Variants in AJAP1 observed in about 807,000 individuals in gnomAD.
AJAP1 encodes the protein adherens junctions associated protein 1.
AJAP1 carries 5 observed loss-of-function variants against 35.0 expected under a neutral mutation model. That is an observed-to-expected ratio of 0.14 (90% CI 0.07 to 0.30). The LOEUF is 0.30. AJAP1 is among the 10% of genes least tolerant of loss of function. The probability of loss-of-function intolerance (pLI) is 1.00; values close to 1 mark genes in which losing one functional copy is unlikely to be tolerated. For synonymous variants in AJAP1, 284 were observed against 249.3 expected, an observed-to-expected ratio of 1.14 and a Z score of -1.31; for missense variants, 586 against 571.0, an observed-to-expected ratio of 1.03 and a Z score of -0.27.
intron 4 of AJAP1, among the ~76,000 whole-genome samples, chr1:4,773,630 T>C (rs992417506): frequency 1.3e-5 from 2 of 152,128 alleles, no homozygotes; most frequent in African/African-American, 4.8e-5. Flanking sequence ...ACTCAGACAT[T>C]TGGGGAGCTC....
chr1:4,777,577 A>G (rs1402007190), intron 5 of AJAP1: 1 of 152,242 alleles, frequency 6.6e-6, no homozygotes, highest in East Asian at 1.9e-4. Context: ...GCAGGCCTGC[A>G]TTGGCTCTCG....
At chr1:4,687,799 T>TCATCCATC (rs1281489870) in intron 1 of AJAP1, among the ~76,000 whole-genome samples, 1 of 152,276 alleles carries the variant, frequency 6.6e-6, no homozygotes, top group African/African-American at 2.4e-5. Context: ...CTCCATCCAT[T>TCATCCATC]CATCCATCCA....
At position 4,782,920 on chromosome 1, in the gene AJAP1, C is replaced by T. The variant is rs12406384; in HGVS notation, c.*435C>T. 0.063 allele frequency: 24,944 copies of T among 398,382 alleles called. 938 individuals carry two copies. The highest frequency in any genetic ancestry group is 0.15 in the Middle Eastern group (237 of 1,588). 24.7% of individuals were successfully genotyped at this position (398,382 alleles called of 1,614,324 possible). On this transcript the variant is annotated 3_prime_UTR_variant, in exon 6 of 6. Transcript: ENST00000378191. This position sits in a 1 kb window ranked among gnomAD's most constrained non-coding sequence, Gnocchi z 5.3. ...CATGTACTGACCCGAAAGGCTCGGC[C>T]GCAGAGCCGGGGCCCAGCGAATCAC...
At chr1:4,713,634 C>A (rs923233469) in intron 2 of AJAP1, among the ~76,000 whole-genome samples, 6 of 152,260 alleles carry the variant, frequency 3.9e-5, no homozygotes, top group African/African-American at 1.4e-4. Context: ...GTCACCCTCA[C>A]CTCCCTCCAG....
chr1:4,728,841 C>T (rs1640733356), intron 2 of AJAP1, among the ~76,000 whole-genome samples: 2 of 152,084 alleles, frequency 1.3e-5, no homozygotes, highest in Non-Finnish European at 2.9e-5. Flanking sequence ...GTCTGGCCTC[C>T]CTGCCGATGG....
chr1:4,730,631 C>T (rs1190509802), intron 2 of AJAP1, among the ~76,000 whole-genome samples: 1 of 152,224 alleles, frequency 6.6e-6, no homozygotes, highest in African/African-American at 2.4e-5. Flanking sequence ...ATTGTCCACC[C>T]CCAGGCCACC....
chr1:4,761,125 C>CTCA (rs1641555322), intron 2 of AJAP1, among the ~76,000 whole-genome samples: 1 of 152,212 alleles, frequency 6.6e-6, no homozygotes, highest in Non-Finnish European at 1.5e-5. Context: ...GAGGGTAAAT[C>CTCA]TCACTGCCAG....
At chr1:4,690,578 G>A (rs1639716781) in intron 1 of AJAP1, among the ~76,000 whole-genome samples, 1 of 152,190 alleles carries the variant, frequency 6.6e-6, no homozygotes. Context: ...GAAACACGGT[G>A]TCCCCCACTT....
At chr1:4,677,709 C>T (rs1203358622) in intron 1 of AJAP1, among the ~76,000 whole-genome samples, 1 of 151,094 alleles carries the variant, frequency 6.6e-6, no homozygotes, top group Non-Finnish European at 1.5e-5. Context: ...AGATGATATT[C>T]CAGGTAATGC....
chr1:4,778,065 T>A (rs1009514582), intron 5 of AJAP1, among the ~76,000 whole-genome samples: 3 of 152,224 alleles, frequency 2.0e-5, no homozygotes, highest in African/African-American at 7.2e-5. Context: ...ATTTATTTAT[T>A]TTTTGCAAAA....
chr1:4,726,200 C>T (rs570328298), intron 2 of AJAP1, among the ~76,000 whole-genome samples: 1 of 152,240 alleles, frequency 6.6e-6, no homozygotes, highest in Non-Finnish European at 1.5e-5. Flanking sequence ...GGGGCAGGCC[C>T]TGAATCCTAG....
chr1:4,666,187 G>A (rs2100509836), intron 1 of AJAP1, among the ~76,000 whole-genome samples: 1 of 151,306 alleles, frequency 6.6e-6, no homozygotes, highest in South Asian at 2.1e-4. Flanking sequence ...AGCCCACTGA[G>A]GCTCCTCCGG....
At chr1:4,779,491 C>T (rs1019895561) in intron 5 of AJAP1, among the ~76,000 whole-genome samples, 4 of 152,170 alleles carry the variant, frequency 2.6e-5, no homozygotes, top group East Asian at 1.9e-4. Flanking sequence ...GGAACACCTC[C>T]GGAGCACAGC....
At position 4,790,495 on chromosome 1, in the gene AJAP1, G is replaced by A. The variant is rs1484318157; in HGVS notation, c.*8010G>A. On this transcript the variant is annotated 3_prime_UTR_variant, in exon 6 of 6. Coordinates refer to ENST00000378191, the MANE Select transcript of AJAP1 (RefSeq NM_018836.4). ...GTTAAGGGGCTGGAAGACAAGCGGG[G>A]CAACTGGTTTTGAAAAGCCCGCTGG... The A allele has an allele frequency of 6.6e-6, 1 of 152,168 alleles. No individual in the cohort carries two copies. Among genetic ancestry groups the A allele is most frequent in the Non-Finnish European group, 1.5e-5 (1 of 68,040 alleles). 9.4% of individuals were successfully genotyped at this position (152,168 alleles called of 1,614,324 possible). A position where few individuals can be genotyped will look rare whatever the true frequency, so the allele number is the denominator to read the frequency against.
intron 1 of AJAP1, among the ~76,000 whole-genome samples, chr1:4,691,326 G>A (rs980613840): frequency 3.9e-5 from 6 of 152,220 alleles, no homozygotes; most frequent in Admixed American, 3.9e-4. Context: ...GGCAGCCAGG[G>A]TCAGGCCGGG....
chr1:4,733,656 G>A (rs1198632833), intron 2 of AJAP1, among the ~76,000 whole-genome samples: 5 of 151,686 alleles, frequency 3.3e-5, no homozygotes, highest in Non-Finnish European at 5.9e-5. Context: ...CCGAGCGCGG[G>A]AAATCCCAGC....
chr1:4,718,798 T>C (rs12239770), intron 2 of AJAP1, among the ~76,000 whole-genome samples: 17,296 of 152,118 alleles, frequency 0.11, 2,090 homozygotes, highest in African/African-American at 0.3. Context: ...GCACTTTCTG[T>C]GGGAGAGCTG....
At chr1:4,740,581 C>G (rs879691505) in intron 2 of AJAP1, among the ~76,000 whole-genome samples, 7 of 151,630 alleles carry the variant, frequency 4.6e-5, no homozygotes, top group African/African-American at 1.2e-4. Context: ...GTCAGGAGAT[C>G]GAGACCATCC....
chr1:4,689,888 G>A (rs1639699525), intron 1 of AJAP1, among the ~76,000 whole-genome samples: 1 of 152,080 alleles, frequency 6.6e-6, no homozygotes, highest in Non-Finnish European at 1.5e-5. Context: ...GGCAGGTCAG[G>A]GGAGAGGCTG....
Sources: gnomAD v4.1 joint callset for allele counts (sites outside exome capture counted in the v4.1 genomes callset) on GRCh38, gnomAD v4.1.1 for gene constraint, Gnocchi (gnomAD v3.1) non-coding constraint, MANE v1.5 for transcripts, NCBI Gene and HGNC (gene_info 2026-07-23, HGNC 2026-07-21) for gene names.